Variants in PPP1R42 observed in about 807,000 individuals in gnomAD.
PPP1R42 encodes the protein leucine rich repeat containing 67.
PPP1R42 carries 34 observed loss-of-function variants against 31.0 expected under a neutral mutation model. The ratio of observed to expected loss-of-function variants is 1.10; its 90% CI spans 0.83 to 1.46. The LOEUF is 1.46. Among genes scored for constraint, PPP1R42 ranks in the 40% most tolerant of loss-of-function variants. The pLI is 0.00. For synonymous variants in PPP1R42, 103 were observed against 109.8 expected (o/e 0.94, Z 0.39); for missense variants, 268 against 303.0 (o/e 0.88, Z 0.86).
At chr8:67,023,968 A>C (rs1013765886) in intron 1 of PPP1R42, among the ~76,000 whole-genome samples, 4 of 151,578 alleles carry the variant, frequency 2.6e-5, no homozygotes, top group Non-Finnish European at 5.9e-5. Context: ...AATGGTGAAA[A>C]CCCGTCTCTA....
At chr8:67,015,319 ATAGAT>A (rs1815982767) in intron 2 of PPP1R42, among the ~76,000 whole-genome samples, 1 of 152,172 alleles carries the variant, frequency 6.6e-6, no homozygotes, top group Admixed American at 6.6e-5. Context: ...GCCCAGCCTC[ATAGAT>A]TAATTTTTTA....
chr8:67,016,892 C>T (rs79664514), intron 2 of PPP1R42, among the ~76,000 whole-genome samples: 18,754 of 152,050 alleles, frequency 0.12, 2,263 homozygotes, highest in African/African-American at 0.31. Context: ...TTTTGAAAAA[C>T]GGTACTCACA....
intron 7 of PPP1R42, among the ~76,000 whole-genome samples, chr8:66,981,650 G>T (rs1420580240): frequency 6.6e-6 from 1 of 152,088 alleles, no homozygotes; most frequent in African/African-American, 2.4e-5. Flanking sequence ...CAAAGTGCTG[G>T]GATTACAGGT....
intron 7 of PPP1R42, among the ~76,000 whole-genome samples, chr8:66,973,079 G>A (rs1490084013): frequency 6.6e-6 from 1 of 152,098 alleles, no homozygotes; most frequent in Non-Finnish European, 1.5e-5. Flanking sequence ...GAAATGTTTA[G>A]CACAGTAAAT....
chr8:67,004,404 T>C (rs1316802106), intron 5 of PPP1R42, among the ~76,000 whole-genome samples: 2 of 152,244 alleles, frequency 1.3e-5, no homozygotes, highest in Non-Finnish European at 2.9e-5. Flanking sequence ...ATACCTATTC[T>C]CTGATTCTGG....
chr8:66,996,691 C>A (rs1391737845), intron 5 of PPP1R42, among the ~76,000 whole-genome samples: 3 of 152,030 alleles, frequency 2.0e-5, no homozygotes, highest in East Asian at 3.8e-4. Flanking sequence ...TTAAAGAAAT[C>A]TTTATATTTT....
chr8:67,026,293 G>C (rs966350760), intron 1 of PPP1R42, among the ~76,000 whole-genome samples: 5 of 151,562 alleles, frequency 3.3e-5, no homozygotes, highest in African/African-American at 1.2e-4. Context: ...AGCCAAGATT[G>C]CACCATTGCA....
At chr8:67,006,981 G>A (rs535510800) in intron 5 of PPP1R42, among the ~76,000 whole-genome samples, 107 of 148,482 alleles carry the variant, frequency 7.2e-4, no homozygotes, top group African/African-American at 2.6e-3. Flanking sequence ...CTGACCTTGT[G>A]ATCCACCCGC....
chr8:66,968,880 T>C (rs962921618), intron 7 of PPP1R42, among the ~76,000 whole-genome samples: 4 of 152,204 alleles, frequency 2.6e-5, no homozygotes, highest in African/African-American at 7.2e-5. Flanking sequence ...ATTTATGTAA[T>C]GCTTTTTCAC....
chr8:67,018,137 C>G (rs566636616), intron 1 of PPP1R42, among the ~76,000 whole-genome samples: 3 of 147,832 alleles, frequency 2.0e-5, no homozygotes, highest in Non-Finnish European at 4.5e-5. Context: ...TTTTTTGAGA[C>G]GGAGTTTCGC....
intron 5 of PPP1R42, among the ~76,000 whole-genome samples, chr8:67,001,532 C>T (rs931444239): frequency 2.0e-5 from 3 of 151,164 alleles, no homozygotes; most frequent in Non-Finnish European, 4.4e-5. Flanking sequence ...CTTTTCCTAT[C>T]CCCTACTTTT....
intron 5 of PPP1R42, among the ~76,000 whole-genome samples, chr8:67,004,721 G>A (rs532071390): frequency 9.9e-5 from 15 of 152,056 alleles, no homozygotes; most frequent in South Asian, 2.1e-4. Context: ...TTATTTCTTC[G>A]GAATTCTTTC....
chr8:67,021,694 A>G (rs1816222988), intron 1 of PPP1R42, among the ~76,000 whole-genome samples: 2 of 152,188 alleles, frequency 1.3e-5, no homozygotes, highest in Non-Finnish European at 2.9e-5. Flanking sequence ...TCTTAAATTT[A>G]GGATTTATCT....
chr8:66,989,347 T>C (rs2130933180), intron 5 of PPP1R42, among the ~76,000 whole-genome samples: 1 of 152,266 alleles, frequency 6.6e-6, no homozygotes, highest in South Asian at 2.1e-4. Context: ...CCTATTTGGG[T>C]TTCTTTTCCT....
chr8:66,985,926 G>T, intron 6 of PPP1R42: 1 of 833,038 alleles, frequency 1.2e-6, no homozygotes, highest in Non-Finnish European at 2.0e-6. Context: ...TCCTTGGAGA[G>T]CTCAAGAGTC....
Position 66,964,280 on chromosome 8 carries a change from T to C in PPP1R42, c.*41A>G. 1 of 1,275,220 alleles carries C rather than the reference T, an allele frequency of 7.8e-7. No homozygotes were observed. The highest frequency in any genetic ancestry group is 1.0e-6 in the Non-Finnish European group (1 of 978,890). The allele number at this position is 1,275,220 out of a possible 1,614,324, so 79.0% of individuals were successfully genotyped here. ...CTTCTGGGTTATGGAAGAGGTGAGG[T>C]TCATGCACATCATTTTTTGTCAGCA... On this transcript the variant is annotated 3_prime_UTR_variant, in exon 8 of 8. Coordinates refer to ENST00000685739, the MANE Select transcript of PPP1R42 (RefSeq NM_001364910.1).
chr8:66,967,487 C>T (rs1814417381), intron 7 of PPP1R42, among the ~76,000 whole-genome samples: 1 of 152,134 alleles, frequency 6.6e-6, no homozygotes, highest in South Asian at 2.1e-4. Flanking sequence ...AACATCATTC[C>T]AGAGTTTTGT....
intron 5 of PPP1R42, among the ~76,000 whole-genome samples, chr8:66,989,059 G>A (rs921127981): frequency 1.3e-5 from 2 of 152,226 alleles, no homozygotes; most frequent in Non-Finnish European, 2.9e-5. Flanking sequence ...CTTTTAATAT[G>A]CTGTTATGTA....
chr8:67,008,616 G>C (rs775691378), intron 5 of PPP1R42, among the ~76,000 whole-genome samples: 1 of 151,304 alleles, frequency 6.6e-6, no homozygotes, highest in Non-Finnish European at 1.5e-5. Context: ...GCTGAGGAAG[G>C]AGAATCTCTT....
Sources: allele counts gnomAD v4.1 joint callset (sites outside exome capture counted in the v4.1 genomes callset), GRCh38; gene constraint gnomAD v4.1.1; transcripts MANE v1.5; gene names NCBI Gene and HGNC (gene_info 2026-07-23, HGNC 2026-07-21).